KIF18A: variants seen among roughly 807,000 people sequenced by gnomAD.
The protein encoded by KIF18A is kinesin-like protein KIF18A.
In KIF18A, 67 loss-of-function variants were observed where a neutral mutation model predicts 103.3. The observed-to-expected ratio is 0.65, with a 90% CI of 0.53 to 0.79. The LOEUF is 0.79. Among genes scored for constraint, KIF18A ranks in the 30% least tolerant of loss-of-function variants. The pLI is 0.00. For synonymous variants in KIF18A, 367 were observed against 355.5 expected, an observed-to-expected ratio of 1.03 and a Z score of -0.36; for missense variants, 1,032 against 1,062.5, an observed-to-expected ratio of 0.97 and a Z score of 0.40.
intron 15 of KIF18A, among the ~76,000 whole-genome samples, chr11:28,028,480 C>T (rs1036798958): frequency 2.0e-5 from 3 of 151,846 alleles, no homozygotes; most frequent in South Asian, 4.2e-4. Context: ...TTGAAACCAA[C>T]GAGAACAAAG....
At chr11:28,025,168 G>A (rs1850300479) in intron 15 of KIF18A, among the ~76,000 whole-genome samples, 1 of 151,866 alleles carries the variant, frequency 6.6e-6, no homozygotes, top group Non-Finnish European at 1.5e-5. Flanking sequence ...TTGAATAAGG[G>A]GTGACTACTC....
At chr11:28,090,797 C>A in intron 4 of KIF18A, 70 bp from the exon 5 acceptor site, 1 of 731,274 alleles carries the variant, frequency 1.4e-6, no homozygotes, top group Non-Finnish European at 2.4e-6. Context: ...AATAAATGTT[C>A]AAAAAACAAA....
chr11:28,099,958 G>C (rs1012300608), intron 1 of KIF18A, among the ~76,000 whole-genome samples: 8 of 152,160 alleles, frequency 5.3e-5, no homozygotes, highest in African/African-American at 1.9e-4. Context: ...AACTCTGTCA[G>C]CTCAGAATAG....
chr11:28,029,695 G>C (rs1189291729), intron 15 of KIF18A, among the ~76,000 whole-genome samples: 1 of 151,500 alleles, frequency 6.6e-6, no homozygotes, highest in African/African-American at 2.4e-5. Context: ...TGAGGCAAGA[G>C]AAGGAAATAA....
In KIF18A at chr11:28,035,513, A is replaced by G. The variant is rs1302897787; in HGVS notation, c.2397-19T>C. On this transcript the variant is annotated intron_variant, in intron 14 of 16. Transcript: ENST00000263181. ...ATCAAGCCTGTATATTAATAGTGAC[A>G]AATAAAAAATAATAATTTTGATTTG... is the stretch of plus-strand genomic sequence containing the variant. 1.5e-6 allele frequency: 2 copies of G among 1,356,884 alleles called. No homozygotes were observed. The highest frequency in any genetic ancestry group is 2.0e-6 in the Non-Finnish European group (2 of 998,348). The allele number at this position is 1,356,884 out of a possible 1,614,324, so 84.1% of individuals were successfully genotyped here.
intron 13 of KIF18A, among the ~76,000 whole-genome samples, chr11:28,041,627 T>C (rs759038994): frequency 3.3e-5 from 5 of 151,772 alleles, no homozygotes; most frequent in Non-Finnish European, 7.4e-5. Context: ...TGTGATCTGA[T>C]TGATGTTTAG....
At chr11:28,026,010 A>T (rs927087230) in intron 15 of KIF18A, among the ~76,000 whole-genome samples, 4 of 151,880 alleles carry the variant, frequency 2.6e-5, no homozygotes, top group Non-Finnish European at 5.9e-5. Context: ...CAAAAAACCA[A>T]TCAACCAAAC....
chr11:28,026,666 T>A (rs10767687), intron 15 of KIF18A, among the ~76,000 whole-genome samples: 13,502 of 151,800 alleles, frequency 0.089, 1,069 homozygotes, highest in East Asian at 0.36. Context: ...TGAAAAACTA[T>A]TTGATTTTAT....
chr11:28,040,407 A>G (rs959852307), intron 13 of KIF18A, among the ~76,000 whole-genome samples: 1 of 151,760 alleles, frequency 6.6e-6, no homozygotes, highest in African/African-American at 2.4e-5. Context: ...TCAGCTTGGG[A>G]AAACACTATC....
At chr11:28,033,015 G>GA (rs1416654587) in intron 15 of KIF18A, among the ~76,000 whole-genome samples, 1 of 151,406 alleles carries the variant, frequency 6.6e-6, no homozygotes, top group South Asian at 2.1e-4. Context: ...ACAACTCTAG[G>GA]AAAAAAATCT....
At chr11:28,054,618 C>T (rs1017074991) in intron 13 of KIF18A, among the ~76,000 whole-genome samples, 3 of 152,088 alleles carry the variant, frequency 2.0e-5, no homozygotes, top group Non-Finnish European at 4.4e-5. Context: ...TTATAAACAC[C>T]GTTCCTATTA....
chr11:28,067,980 C>T (rs371434702), intron 11 of KIF18A, among the ~76,000 whole-genome samples: 1 of 152,108 alleles, frequency 6.6e-6, no homozygotes, highest in East Asian at 1.9e-4. Flanking sequence ...ATGTTTATTG[C>T]AGTGCTATTT....
At chr11:28,057,519 C>CAAAACAAAACAAAA (rs1427557378) in intron 13 of KIF18A, among the ~76,000 whole-genome samples, 1 of 151,336 alleles carries the variant, frequency 6.6e-6, no homozygotes, top group African/African-American at 2.4e-5. Context: ...GGTCTCAAAA[C>CAAAACAAAACAAAA]AAAACAAAAC....
chr11:28,107,628 C>G (rs1398847361), intron 1 of KIF18A, among the ~76,000 whole-genome samples: 1 of 152,088 alleles, frequency 6.6e-6, no homozygotes, highest in Non-Finnish European at 1.5e-5. Context: ...AAATTTTATG[C>G]AGTGATGAAC....
intron 13 of KIF18A, among the ~76,000 whole-genome samples, chr11:28,039,791 G>A (rs982452613): frequency 6.6e-6 from 1 of 151,778 alleles, no homozygotes; most frequent in Non-Finnish European, 1.5e-5. Context: ...ATAGCATGGA[G>A]ATGTGGTAGT....
At chr11:28,098,988 T>C (rs1169102216) in intron 1 of KIF18A, among the ~76,000 whole-genome samples, 1 of 152,124 alleles carries the variant, frequency 6.6e-6, no homozygotes, top group African/African-American at 2.4e-5. Context: ...CTTCTGAGTA[T>C]ATATCCAAAG....
At position 28,097,825 on chromosome 11, in the gene KIF18A, G is replaced by T. The variant is rs1035835690; in HGVS notation, c.123C>A (p.Ile41=). The T allele has an allele frequency of 1.2e-6, 2 of 1,612,840 alleles. No individual in the cohort carries two copies. The highest frequency in any genetic ancestry group is 1.7e-5 in the Admixed American group (1 of 59,926). The change falls in exon 2 of 17, where the codon ATC becomes ATA. Residue 41 remains isoleucine, a synonymous_variant. Transcript: ENST00000263181. ...HKVVHVVDKH[I]LVFDPKQEEV... ...CTTCTTGTTTGGGATCAAAAACTAG[G>T]ATATGTTTATCCACAACATGAACCA...
intron 9 of KIF18A, among the ~76,000 whole-genome samples, 180 bp downstream of exon 9, chr11:28,082,676 T>A (rs1326844007): frequency 6.6e-6 from 1 of 152,120 alleles, no homozygotes; most frequent in East Asian, 1.9e-4. Context: ...GAACTAAATC[T>A]GCAATATCTC....
Position 28,060,051 on chromosome 11 carries a change from C to T in KIF18A, c.1713-890G>A, listed in dbSNP as rs141166912. On this transcript the variant is annotated intron_variant, in intron 12 of 16. Coordinates refer to ENST00000263181, the MANE Select transcript of KIF18A (RefSeq NM_031217.4). ...AATAATCGTTAGGGCACTGGATTCA[C>T]GGCTTTAACTCAAAATCTCCCTTAT... Among the ~76,000 whole-genome samples, 19 of 152,200 alleles carry T rather than the reference C, an allele frequency of 1.2e-4. 1 individual carries two copies. In the East Asian group the frequency reaches 3.3e-3, roughly 26 times the overall value.
Sources: allele counts gnomAD v4.1 joint callset (sites outside exome capture counted in the v4.1 genomes callset), GRCh38; gene constraint gnomAD v4.1.1; transcripts MANE v1.5; gene names NCBI Gene and HGNC (gene_info 2026-07-23, HGNC 2026-07-21).